Variants in SCHIP1 observed in about 807,000 individuals in gnomAD.
SCHIP1 encodes the protein schwannomin-interacting protein 1.
A neutral mutation model predicts 29.7 loss-of-function variants in SCHIP1; 8 were observed. That is an observed-to-expected ratio of 0.27 (90% CI 0.16 to 0.49). The LOEUF is 0.49. Among genes scored for constraint, SCHIP1 ranks in the 20% least tolerant of loss-of-function variants. The pLI is 0.99. For synonymous variants in SCHIP1, 76 were observed against 94.9 expected, an observed-to-expected ratio of 0.80 and a Z score of 1.16; for missense variants, 193 against 294.6, an observed-to-expected ratio of 0.66 and a Z score of 2.52.
the SCHIP1 span, among the ~76,000 whole-genome samples, chr3:159,803,317 A>T: frequency 6.6e-6 from 1 of 152,250 alleles, no homozygotes; most frequent in Admixed American, 6.5e-5. Context: ...ACATAGAAAG[A>T]TTACTTCCAT....
the SCHIP1 span, among the ~76,000 whole-genome samples, chr3:159,508,568 A>C: frequency 1.6e-4 from 25 of 152,230 alleles, no homozygotes; most frequent in African/African-American, 6.0e-4. Flanking sequence ...TTAGGGTGTC[A>C]ATTTTAGATC....
chr3:159,881,048 A>G (rs1335768855), intron 2 of SCHIP1, among the ~76,000 whole-genome samples: 1 of 152,184 alleles, frequency 6.6e-6, no homozygotes, highest in Non-Finnish European at 1.5e-5. Flanking sequence ...CTATTTTACA[A>G]TTTACAAGGA....
the SCHIP1 span, among the ~76,000 whole-genome samples, chr3:159,307,777 A>C: frequency 6.6e-6 from 1 of 152,168 alleles, no homozygotes; most frequent in Non-Finnish European, 1.5e-5. Context: ...GTCTAGCTTC[A>C]ATCTTCTGTG....
the SCHIP1 span, among the ~76,000 whole-genome samples, chr3:159,412,246 T>C: frequency 6.6e-6 from 1 of 152,202 alleles, no homozygotes; most frequent in Admixed American, 6.5e-5. Context: ...ATTCCATCAT[T>C]GTATTCCATG....
chr3:159,466,366 G>T, the SCHIP1 span, among the ~76,000 whole-genome samples: 302 of 152,188 alleles, frequency 2.0e-3, 2 homozygotes, highest in African/African-American at 6.9e-3. Context: ...TAATGAGTAT[G>T]AATTCTAGCT....
the SCHIP1 span, among the ~76,000 whole-genome samples, chr3:159,313,826 G>T: frequency 6.6e-6 from 1 of 151,796 alleles, no homozygotes; most frequent in Non-Finnish European, 1.5e-5. Context: ...TTATTGCCTT[G>T]TTTTCTATCA....
chr3:159,863,512 G>A (rs1032261631), intron 1 of SCHIP1, among the ~76,000 whole-genome samples: 2 of 152,054 alleles, frequency 1.3e-5, no homozygotes, highest in Non-Finnish European at 2.9e-5. Flanking sequence ...TTAAAATTGT[G>A]TTTTTAAATA....
the SCHIP1 span, among the ~76,000 whole-genome samples, chr3:159,437,049 A>C: frequency 6.6e-6 from 1 of 151,864 alleles, no homozygotes; most frequent in South Asian, 2.1e-4. Flanking sequence ...TCCACTTCTA[A>C]CTCCTGCTGG....
At chr3:159,747,710 G>A in the SCHIP1 span, among the ~76,000 whole-genome samples, 28 of 152,072 alleles carry the variant, frequency 1.8e-4, no homozygotes, top group Non-Finnish European at 4.0e-4. Context: ...CCACTAACAG[G>A]GCAAGACTCC....
chr3:159,285,124 TA>T, the SCHIP1 span, among the ~76,000 whole-genome samples: 1 of 152,206 alleles, frequency 6.6e-6, no homozygotes, highest in African/African-American at 2.4e-5. Context: ...TTACAATTTT[TA>T]CTTTGGGGTA....
chr3:159,293,705 G>A, the SCHIP1 span, among the ~76,000 whole-genome samples: 1 of 152,050 alleles, frequency 6.6e-6, no homozygotes, highest in African/African-American at 2.4e-5. Context: ...TCTGTTTATT[G>A]TCCTGATATC....
At chr3:159,363,527 C>A in the SCHIP1 span, among the ~76,000 whole-genome samples, 1 of 152,182 alleles carries the variant, frequency 6.6e-6, no homozygotes, top group Non-Finnish European at 1.5e-5. Context: ...TGCCCCTCCC[C>A]ACCAGACAGA....
chr3:159,804,816 T>C, the SCHIP1 span, among the ~76,000 whole-genome samples: 3 of 152,270 alleles, frequency 2.0e-5, no homozygotes, highest in African/African-American at 4.8e-5. Context: ...TGTTATTTTT[T>C]TTCTTTAAAC....
At chr3:159,609,417 T>C in the SCHIP1 span, among the ~76,000 whole-genome samples, 3 of 152,340 alleles carry the variant, frequency 2.0e-5, no homozygotes, top group African/African-American at 4.8e-5. Context: ...TCTCAGCTAA[T>C]GGCAAAGGCT....
the SCHIP1 span, among the ~76,000 whole-genome samples, chr3:159,794,151 C>T: frequency 6.6e-6 from 1 of 152,160 alleles, no homozygotes; most frequent in Non-Finnish European, 1.5e-5. Flanking sequence ...GGTCATTATT[C>T]TGCCTACCAG....
chr3:159,623,955 C>G, the SCHIP1 span, among the ~76,000 whole-genome samples: 1 of 152,124 alleles, frequency 6.6e-6, no homozygotes, highest in Non-Finnish European at 1.5e-5. Flanking sequence ...GAGTCTAAGC[C>G]TCTTGATTAT....
the SCHIP1 span, among the ~76,000 whole-genome samples, chr3:159,441,936 G>A: frequency 6.6e-6 from 1 of 152,082 alleles, no homozygotes; most frequent in African/African-American, 2.4e-5. Flanking sequence ...GGCTCCAGCA[G>A]TCCTATCTCC....
At chr3:159,463,901 A>G in the SCHIP1 span, among the ~76,000 whole-genome samples, 1 of 152,174 alleles carries the variant, frequency 6.6e-6, no homozygotes, top group South Asian at 2.1e-4. Context: ...ATCATGCTCA[A>G]TGTATTTGAC....
chr3:159,700,244 G>A, the SCHIP1 span, among the ~76,000 whole-genome samples: 1 of 152,190 alleles, frequency 6.6e-6, no homozygotes, highest in Non-Finnish European at 1.5e-5. Context: ...AACAAGCTAA[G>A]TGACATGCAA....
Sources: gnomAD v4.1 joint callset for allele counts (sites outside exome capture counted in the v4.1 genomes callset) on GRCh38, gnomAD v4.1.1 for gene constraint, MANE v1.5 for transcripts, NCBI Gene and HGNC (gene_info 2026-07-23, HGNC 2026-07-21) for gene names.